HAT1: variants seen among roughly 807,000 people sequenced by gnomAD.
The protein encoded by HAT1 is histone acetyltransferase 1.
HAT1 carries 20 observed loss-of-function variants against 56.6 expected under a neutral mutation model. The observed-to-expected ratio is 0.35, with a 90% CI of 0.25 to 0.51. HAT1 has a LOEUF of 0.51. HAT1 is among the 20% of genes least tolerant of loss of function. The pLI is 0.95. For missense variants in HAT1, 408 were observed against 504.3 expected, an observed-to-expected ratio of 0.81 and a Z score of 1.83; for synonymous variants, 146 against 165.5, an observed-to-expected ratio of 0.88 and a Z score of 0.91.
chr2:171,941,329 C>A (rs1470962715), intron 2 of HAT1, among the ~76,000 whole-genome samples: 1 of 152,124 alleles, frequency 6.6e-6, no homozygotes, highest in African/African-American at 2.4e-5. Context: ...TCTCCTGCCT[C>A]AGCCTCTGGA....
chr2:171,951,267 A>G (rs1687300705), intron 3 of HAT1, among the ~76,000 whole-genome samples: 1 of 152,224 alleles, frequency 6.6e-6, no homozygotes, highest in African/African-American at 2.4e-5. Flanking sequence ...TCAGCCTTTC[A>G]TATTTTAAAT....
chr2:171,977,551 ATATATATTTTTTT>A (rs1259319063), intron 9 of HAT1, among the ~76,000 whole-genome samples: 1 of 13,438 alleles, frequency 7.4e-5, no homozygotes, highest in Non-Finnish European at 1.3e-4. Context: ...ATATATATAT[ATATATATTTTTTT>A]TTTTTTTTTT....
intron 2 of HAT1, among the ~76,000 whole-genome samples, chr2:171,943,127 G>A (rs1228571241): frequency 6.6e-6 from 1 of 150,958 alleles, no homozygotes; most frequent in Non-Finnish European, 1.5e-5. Flanking sequence ...TGCTGGCTGG[G>A]CACGGTGGCT....
In HAT1 at chr2:171,976,281, G is replaced by T; in HGVS notation, c.948G>T (p.Glu316Asp). The T allele has an allele frequency of 6.3e-7, 1 of 1,578,586 alleles. No homozygotes were observed. Among genetic ancestry groups the T allele is most frequent in the South Asian group, 1.2e-5 (1 of 84,212 alleles). ...MQGFNEDMVI[E>D]AQQKFKINKQ... is the part of the protein sequence containing the mutation. ...GATTCAATGAAGATATGGTGATAGA[G>T]GCACAACAGAAGTTCAAAATAAATA... Residue 316 changes from glutamate (E) to aspartate (D), a missense_variant, in exon 9 of 11, where the codon GAG becomes GAT. Physicochemically the swap from Glu to Asp is conservative, Grantham distance 45. Transcript: ENST00000264108.
At chr2:171,959,930 C>G (rs1172764181) in intron 4 of HAT1, among the ~76,000 whole-genome samples, 1 of 152,126 alleles carries the variant, frequency 6.6e-6, no homozygotes, top group East Asian at 1.9e-4. Context: ...AAAAATACAG[C>G]ATTTTTGGCA....
At chr2:171,943,979 T>C (rs1233671282) in intron 2 of HAT1, among the ~76,000 whole-genome samples, 1 of 151,908 alleles carries the variant, frequency 6.6e-6, no homozygotes, top group Admixed American at 6.6e-5. Flanking sequence ...CCCCCATCTG[T>C]ACAAAAAATT....
chr2:171,949,165 C>T (rs1687242178), intron 3 of HAT1, among the ~76,000 whole-genome samples: 1 of 151,974 alleles, frequency 6.6e-6, no homozygotes. Context: ...AGCTCTTCTT[C>T]TTCTTCTTAT....
chr2:171,977,521 A>G (rs1687999225), intron 9 of HAT1, among the ~76,000 whole-genome samples: 1 of 82,788 alleles, frequency 1.2e-5, no homozygotes, highest in Non-Finnish European at 2.5e-5. Flanking sequence ...GAACAGGCAT[A>G]TGAATATATA....
At chr2:171,940,555 G>T (rs964336048) in intron 2 of HAT1, among the ~76,000 whole-genome samples, 8 of 152,208 alleles carry the variant, frequency 5.3e-5, no homozygotes, top group African/African-American at 1.9e-4. Flanking sequence ...AATTTGGTTA[G>T]CCATTAAGAA....
At chr2:171,922,535 G>T in intron 1 of HAT1, 28 bp downstream of exon 1, 1 of 1,315,304 alleles carries the variant, frequency 7.6e-7, no homozygotes, top group Non-Finnish European at 9.8e-7. Flanking sequence ...GTTTACCAAG[G>T]GGAGGAGGCG....
chr2:171,979,296 T>C lies in HAT1; in HGVS notation c.1025T>C (p.Met342Thr). 2 of 1,607,232 alleles carry C rather than the reference T, an allele frequency of 1.2e-6. No individual in the cohort carries two copies. The highest frequency in any genetic ancestry group is 2.2e-5 in the East Asian group (1 of 44,830). Reference sequence around the variant, plus strand: ...ATTCTTCGACTACTGGTAACTGACATGAGTGATGCCGAACAATACAGAAGC... The same window carrying C: ...ATTCTTCGACTACTGGTAACTGACACGAGTGATGCCGAACAATACAGAAGC... Reference protein sequence around the residue: ...YEILRLLVTDMSDAEQYRSYR... With the variant: ...YEILRLLVTDTSDAEQYRSYR... The change falls in exon 10 of 11, where the codon ATG becomes ACG. Residue 342 changes from methionine to threonine, a missense_variant. Transcript: ENST00000264108.
intron 8 of HAT1, among the ~76,000 whole-genome samples, chr2:171,969,981 C>T (rs908099164): frequency 2.0e-5 from 3 of 151,914 alleles, no homozygotes; most frequent in Non-Finnish European, 4.4e-5. Flanking sequence ...GGGAGATTCC[C>T]GTCTCTATAA....
At chr2:171,981,019 A>G (rs1041447427) in intron 10 of HAT1, among the ~76,000 whole-genome samples, 1 of 151,878 alleles carries the variant, frequency 6.6e-6, no homozygotes, top group African/African-American at 2.4e-5. Flanking sequence ...AAAATACACA[A>G]ATTAGCCAGG....
At chr2:171,971,535 C>A (rs1319716301) in intron 8 of HAT1, among the ~76,000 whole-genome samples, 1 of 152,122 alleles carries the variant, frequency 6.6e-6, no homozygotes, top group Non-Finnish European at 1.5e-5. Flanking sequence ...GTCCTGGCAC[C>A]ATTTGTTGAA....
At chr2:171,925,498 C>T (rs769566315) in intron 1 of HAT1, 39 bp from the exon 2 acceptor site, 1 of 885,764 alleles carries the variant, frequency 1.1e-6, no homozygotes, top group African/African-American at 1.6e-5. Context: ...CAATTTAAGT[C>T]ACTTCCAAAC....
At chr2:171,978,533 C>A (rs546231431) in intron 9 of HAT1, among the ~76,000 whole-genome samples, 1 of 152,124 alleles carries the variant, frequency 6.6e-6, no homozygotes, top group South Asian at 2.1e-4. Context: ...CTGCTGCCTC[C>A]CAAATCTCTC....
At chr2:171,963,873 T>C (rs1687629894) in intron 4 of HAT1, among the ~76,000 whole-genome samples, 1 of 152,210 alleles carries the variant, frequency 6.6e-6, no homozygotes, top group Non-Finnish European at 1.5e-5. Context: ...TGCAGTTTAT[T>C]TGATCTAGAG....
chr2:171,976,674 AAC>A (rs749277762), intron 9 of HAT1, among the ~76,000 whole-genome samples: 10 of 152,224 alleles, frequency 6.6e-5, no homozygotes, highest in Admixed American at 2.0e-4. Flanking sequence ...GTTGAAGTAA[AAC>A]ACGTATTTCA....
chr2:171,928,208 A>G (rs141566108), intron 2 of HAT1, among the ~76,000 whole-genome samples: 1 of 152,174 alleles, frequency 6.6e-6, no homozygotes, highest in Non-Finnish European at 1.5e-5. Context: ...TTTTAAAGCC[A>G]AGATTCGGGT....
Sources: gnomAD v4.1 joint callset for allele counts (sites outside exome capture counted in the v4.1 genomes callset) on GRCh38, gnomAD v4.1.1 for gene constraint, MANE v1.5 for transcripts, NCBI Gene and HGNC (gene_info 2026-07-23, HGNC 2026-07-21) for gene names.